ANK3: variants seen among roughly 807,000 people sequenced by gnomAD.
ANK3 encodes ankyrin-3.
ANK3 carries 57 observed loss-of-function variants against 370.9 expected under a neutral mutation model. That is an observed-to-expected ratio of 0.15 (90% CI 0.12 to 0.19). ANK3 has a LOEUF of 0.19. ANK3 is among the 10% of genes least tolerant of loss of function. The pLI is 1.00. For synonymous variants in ANK3, 1,929 were observed against 1,946.3 expected (o/e 0.99, Z 0.23); for missense variants, 4,439 against 5,302.1 (o/e 0.84, Z 5.06).
intron 37 of ANK3, 55 bp downstream of exon 37, chr10:60,068,582 C>G: frequency 6.6e-7 from 1 of 1,516,552 alleles, no homozygotes; most frequent in Non-Finnish European, 8.8e-7. Flanking sequence ...AAACTATGCT[C>G]GTTCTCCAGG....
Position 60,073,838 on chromosome 10 carries a change from C to T in ANK3, c.7043G>A (p.Arg2348Lys). 6.2e-7 allele frequency: 1 copy of T among 1,613,596 alleles called. No homozygotes were observed. The highest frequency in any genetic ancestry group is 8.5e-7 in the Non-Finnish European group (1 of 1,179,994). The change falls in exon 37 of 44, where the codon AGA (arginine) becomes AAA (lysine). Residue 2348 changes from arginine (R) to lysine (K), a missense_variant. By Grantham distance (26) the Arg-to-Lys change is conservative. Coordinates refer to ENST00000280772, the MANE Select transcript of ANK3 (RefSeq NM_020987.5). ...TTTTTCTGGATGCTTTTTGGTTTCT[C>T]TAATAATGACTTCAGTGGGCTCAGC... Reference protein sequence around the residue: ...NQAEPTEVIIRETKKHPEKEM... With the variant: ...NQAEPTEVIIKETKKHPEKEM...
intron 1 of ANK3, among the ~76,000 whole-genome samples, chr10:60,384,658 AC>A (rs2062007937): frequency 6.6e-6 from 1 of 152,184 alleles, no homozygotes; most frequent in South Asian, 2.1e-4. Flanking sequence ...ATAAAAAAAT[AC>A]TTTCTCTTCT....
intron 1 of ANK3, among the ~76,000 whole-genome samples, chr10:60,721,046 C>A (rs189438880): frequency 1.3e-5 from 2 of 152,290 alleles, no homozygotes; most frequent in East Asian, 3.9e-4. Flanking sequence ...TGTGAGTAAG[C>A]AGATATAAAA....
At position 60,528,134 on chromosome 10, in the gene ANK3, C is replaced by CTTTTTTTTTTTTTTTTTTTTT. The variant is rs35837089; in HGVS notation, c.96+87051_96+87052insAAAAAAAAAAAAAAAAAAAAA. 4.8e-5 allele frequency among the ~76,000 whole-genome samples: 6 copies of CTTTTTTTTTTTTTTTTTTTTT among 124,264 alleles called. 1 individual carries two copies. The highest frequency in any genetic ancestry group is 6.6e-5 in the Non-Finnish European group (4 of 60,474). 81.5% of individuals were successfully genotyped at this position (124,264 alleles called of 152,430 possible). The stretch of plus-strand genomic sequence containing the variant: ...TTTTTTCTTTTTTTCTTTTCTTCTT[C>CTTTTTTTTTTTTTTTTTTTTT]TTCTTTTTTTTTTTTTTTTGAGACA... On this transcript the variant is annotated intron_variant, in intron 2 of 43. Coordinates refer to the ANK3 transcript ENST00000373827.
intron 1 of ANK3, among the ~76,000 whole-genome samples, chr10:60,644,400 T>C (rs1028244658): frequency 1.3e-5 from 2 of 152,232 alleles, no homozygotes; most frequent in African/African-American, 2.4e-5. Context: ...AAATTTCTGC[T>C]CTAGATTCAT....
chr10:60,318,540 A>T (rs971535497), intron 1 of ANK3, among the ~76,000 whole-genome samples: 2 of 152,200 alleles, frequency 1.3e-5, no homozygotes, highest in African/African-American at 2.4e-5. Context: ...AGCAAAATTC[A>T]ATTGTAATAT....
At chr10:60,642,188 T>G (rs1414092758) in intron 1 of ANK3, among the ~76,000 whole-genome samples, 2 of 151,422 alleles carry the variant, frequency 1.3e-5, no homozygotes, top group Non-Finnish European at 2.9e-5. Flanking sequence ...TTGGTGGGAC[T>G]GTAAACTAGT....
In ANK3 at chr10:60,296,749, G is replaced by A. The variant is rs182169820; in HGVS notation, c.115-17110C>T. The stretch of plus-strand genomic sequence containing the variant: ...CCTGTAAATCCCAGCACTTTGGGAG[G>A]CTGAGATGAGAGCCTAAGAGTCTGA... On this transcript the variant is annotated intron_variant, in intron 1 of 43. Coordinates refer to ENST00000280772, the MANE Select transcript of ANK3 (RefSeq NM_020987.5). Among the ~76,000 whole-genome samples the A allele has an allele frequency of 2.4e-4, 36 of 152,286 alleles. No individual in the cohort carries two copies. The East Asian group carries it at 6.6e-3, about 28-fold the overall frequency.
intron 2 of ANK3, among the ~76,000 whole-genome samples, chr10:60,452,375 T>C (rs1460587998): frequency 1.3e-5 from 2 of 152,312 alleles, no homozygotes; most frequent in East Asian, 3.9e-4. Context: ...GTTGTTCCTT[T>C]GGGATGAGGT....
At chr10:60,339,287 A>G (rs2053730012) in intron 1 of ANK3, among the ~76,000 whole-genome samples, 2 of 152,204 alleles carry the variant, frequency 1.3e-5, no homozygotes, top group South Asian at 2.1e-4. Context: ...AAATGTTAAT[A>G]GAGAGATAAA....
At chr10:60,645,370 C>T (rs1022929090) in intron 1 of ANK3, among the ~76,000 whole-genome samples, 9 of 151,986 alleles carry the variant, frequency 5.9e-5, no homozygotes, top group Non-Finnish European at 1.5e-5. Flanking sequence ...GATATTTTTA[C>T]CAAAGTTATT....
At chr10:60,302,516 A>G (rs1326900068) in intron 1 of ANK3, among the ~76,000 whole-genome samples, 3 of 152,176 alleles carry the variant, frequency 2.0e-5, no homozygotes, top group Non-Finnish European at 4.4e-5. Context: ...TAGTTCTCAC[A>G]GCTATGTTGT....
chr10:60,201,708 C>CTTTT (rs10544317), intron 12 of ANK3, among the ~76,000 whole-genome samples: 5 of 120,280 alleles, frequency 4.2e-5, no homozygotes, highest in Non-Finnish European at 3.5e-5. Context: ...GAAATCACTT[C>CTTTT]TTTTTTTTTT....
intron 2 of ANK3, among the ~76,000 whole-genome samples, chr10:60,494,804 A>G (rs1219446495): frequency 1.2e-4 from 18 of 152,224 alleles, no homozygotes; most frequent in Admixed American, 1.2e-3. Context: ...AGTTAGTATT[A>G]TGAATGACAT....
rs2097934270 is a variant in ANK3, at chr10:60,269,633, A to C, written c.513+498T>G. Among the ~76,000 whole-genome samples the C allele has an allele frequency of 4.0e-5, 6 of 150,026 alleles. No homozygotes were observed. In the South Asian group the frequency reaches 1.3e-3, roughly 32 times the overall value. On this transcript the variant is annotated intron_variant, in intron 5 of 43. Coordinates refer to ENST00000280772, the MANE Select transcript of ANK3 (RefSeq NM_020987.5). ...GCACTCCAGCCTAGGTGACAGAGTG[A>C]GACTCCATCCCCCCTCCCCCCCCCC...
intron 7 of ANK3, among the ~76,000 whole-genome samples, chr10:60,244,240 T>C (rs2097519970): frequency 6.6e-6 from 1 of 152,204 alleles, no homozygotes; most frequent in South Asian, 2.1e-4. Context: ...TTCATTTAAA[T>C]ACGAAAAGGA....
chr10:60,398,172 A>G (rs1385764402), intron 2 of ANK3, among the ~76,000 whole-genome samples: 1 of 152,270 alleles, frequency 6.6e-6, no homozygotes, highest in African/African-American at 2.4e-5. Flanking sequence ...ATTTATGGAC[A>G]TTGAAATGTG....
At chr10:60,348,336 C>T (rs200868228) in intron 1 of ANK3, among the ~76,000 whole-genome samples, 7 of 111,666 alleles carry the variant, frequency 6.3e-5, no homozygotes, top group Non-Finnish European at 1.2e-4. Flanking sequence ...AAAGAAAACC[C>T]TATCACTAGC....
chr10:60,232,267 T>A (rs992573668), intron 8 of ANK3, among the ~76,000 whole-genome samples: 1 of 152,228 alleles, frequency 6.6e-6, no homozygotes, highest in Admixed American at 6.5e-5. Flanking sequence ...ATATGCCAAC[T>A]GAAATCTGTA....
Sources: allele counts gnomAD v4.1 joint callset (sites outside exome capture counted in the v4.1 genomes callset), GRCh38; gene constraint gnomAD v4.1.1; transcripts MANE v1.5; gene names NCBI Gene and HGNC (gene_info 2026-07-23, HGNC 2026-07-21).